CNOT6L: variants seen among roughly 807,000 people sequenced by gnomAD.
The protein encoded by CNOT6L is CCR4-NOT transcription complex subunit 6-like.
CNOT6L carries 7 observed loss-of-function variants against 64.0 expected under a neutral mutation model. The observed-to-expected ratio is 0.11, with a 90% confidence interval of 0.06 to 0.21. The LOEUF is 0.21. Among genes scored for constraint, CNOT6L ranks in the 10% least tolerant of loss-of-function variants. CNOT6L has a pLI of 1.00. For synonymous variants in CNOT6L, 193 were observed against 243.4 expected (o/e 0.79, Z 1.93); for missense variants, 245 against 669.0 (o/e 0.37, Z 6.99).
At chr4:77,763,067 G>C (rs1029170832) in intron 4 of CNOT6L, among the ~76,000 whole-genome samples, 1 of 152,034 alleles carries the variant, frequency 6.6e-6, no homozygotes, top group Non-Finnish European at 1.5e-5. Flanking sequence ...CGAAGAGAAA[G>C]TAAATAGAAT....
chr4:77,781,307 C>A (rs1383973001), intron 1 of CNOT6L, among the ~76,000 whole-genome samples: 1 of 152,038 alleles, frequency 6.6e-6, no homozygotes, highest in African/African-American at 2.4e-5. Context: ...TGTAACAAAC[C>A]TGCATGTTCT....
chr4:77,801,162 C>T (rs1045604136), intron 1 of CNOT6L, among the ~76,000 whole-genome samples: 1 of 152,052 alleles, frequency 6.6e-6, no homozygotes, highest in African/African-American at 2.4e-5. Flanking sequence ...ATACTCTGAC[C>T]CTACGTGAAA....
chr4:77,778,026 C>A (rs757705003), intron 1 of CNOT6L, among the ~76,000 whole-genome samples: 2 of 152,170 alleles, frequency 1.3e-5, no homozygotes, highest in Non-Finnish European at 2.9e-5. Context: ...CAACTCTAAT[C>A]TTACACAATT....
At chr4:77,817,958 T>C (rs1383405663) in intron 1 of CNOT6L, among the ~76,000 whole-genome samples, 1 of 152,254 alleles carries the variant, frequency 6.6e-6, no homozygotes, top group Non-Finnish European at 1.5e-5. Flanking sequence ...GCCATTTGTA[T>C]TTGGTTCTGA....
intron 1 of CNOT6L, among the ~76,000 whole-genome samples, chr4:77,795,802 A>G (rs956883404): frequency 4.6e-5 from 7 of 152,188 alleles, no homozygotes; most frequent in Non-Finnish European, 8.8e-5. Context: ...AGTACACTGG[A>G]AACTATAACA....
chr4:77,743,894 G>A (rs1723896337), intron 7 of CNOT6L, among the ~76,000 whole-genome samples: 1 of 151,966 alleles, frequency 6.6e-6, no homozygotes, highest in Non-Finnish European at 1.5e-5. Context: ...GAGCCACCAT[G>A]CCCGGCCTGT....
At chr4:77,790,163 T>C (rs1050197488) in intron 1 of CNOT6L, among the ~76,000 whole-genome samples, 1 of 152,118 alleles carries the variant, frequency 6.6e-6, no homozygotes, top group African/African-American at 2.4e-5. Context: ...ATACGGTGTG[T>C]AGTCTTTTCA....
At chr4:77,787,635 TTCC>T (rs1577985286) in intron 1 of CNOT6L, among the ~76,000 whole-genome samples, 1 of 152,184 alleles carries the variant, frequency 6.6e-6, no homozygotes, top group African/African-American at 2.4e-5. Context: ...ACTCAAACTC[TTCC>T]TTGAAACTCA....
chr4:77,783,332 A>C (rs1729103424), intron 1 of CNOT6L, among the ~76,000 whole-genome samples: 1 of 152,226 alleles, frequency 6.6e-6, no homozygotes, highest in Admixed American at 6.5e-5. Context: ...GGGTGCTTCA[A>C]TAGTGAACAA....
At chr4:77,727,562 C>CAAAAAAAAAA (rs55848621) in intron 10 of CNOT6L, among the ~76,000 whole-genome samples, 2 of 84,590 alleles carry the variant, frequency 2.4e-5, no homozygotes. Flanking sequence ...AACTCTGTCT[C>CAAAAAAAAAA]AAAAAAAAAA....
intron 1 of CNOT6L, among the ~76,000 whole-genome samples, chr4:77,788,458 T>C (rs1166747787): frequency 3.9e-5 from 6 of 152,246 alleles, no homozygotes; most frequent in Non-Finnish European, 8.8e-5. Context: ...CCAGGCACCA[T>C]GGCTCACGCC....
At chr4:77,794,788 G>A (rs1250430454) in intron 1 of CNOT6L, among the ~76,000 whole-genome samples, 1 of 152,082 alleles carries the variant, frequency 6.6e-6, no homozygotes, top group African/African-American at 2.4e-5. Context: ...AATCAAGCAA[G>A]AGAGAAGATA....
chr4:77,807,613 T>C (rs1234210033), intron 1 of CNOT6L, among the ~76,000 whole-genome samples: 3 of 152,302 alleles, frequency 2.0e-5, no homozygotes, highest in Non-Finnish European at 2.9e-5. Context: ...TGTAGGCATA[T>C]ATAAAGCACA....
At chr4:77,737,586 A>G (rs1723116650) in intron 8 of CNOT6L, among the ~76,000 whole-genome samples, 1 of 151,786 alleles carries the variant, frequency 6.6e-6, no homozygotes, top group South Asian at 2.1e-4. Flanking sequence ...AAGCCCAGCT[A>G]ATTTTTCTAT....
rs542348746 is a variant in CNOT6L at position 77,715,750 on chromosome 4, G to A, written c.*4681C>T. On this transcript the variant is annotated 3_prime_UTR_variant, in exon 12 of 12. Transcript: ENST00000504123. ...AAGACATCCTGTAGTTTAGATATAT[G>A]GGCTGCTTCTTTTTTACCCTCAAGC... is the stretch of plus-strand genomic sequence containing the variant. 1 of 152,392 alleles carries A rather than the reference G, an allele frequency of 6.6e-6. No individual in the cohort carries two copies. The highest frequency in any genetic ancestry group is 2.1e-4 in the South Asian group (1 of 4,820). The allele number at this position is 152,392 out of a possible 1,614,324, so 9.4% of individuals were successfully genotyped here. A position where few individuals can be genotyped will look rare whatever the true frequency, so the allele number is the denominator to read the frequency against.
intron 1 of CNOT6L, among the ~76,000 whole-genome samples, chr4:77,778,996 G>A (rs1728493659): frequency 7.1e-6 from 1 of 140,172 alleles, no homozygotes; most frequent in Admixed American, 7.6e-5. Context: ...GCAGTGGGCC[G>A]AGATCGCGCC....
At chr4:77,812,506 A>G (rs551642267) in intron 1 of CNOT6L, among the ~76,000 whole-genome samples, 1 of 151,740 alleles carries the variant, frequency 6.6e-6, no homozygotes, top group African/African-American at 2.4e-5. Context: ...CGAGATCAAC[A>G]AACATAAATC....
intron 8 of CNOT6L, among the ~76,000 whole-genome samples, chr4:77,737,969 G>C (rs1440673291): frequency 1.3e-5 from 2 of 152,080 alleles, no homozygotes; most frequent in Non-Finnish European, 2.9e-5. Context: ...TAATAACTGA[G>C]AGACCAGTGA....
chr4:77,720,791 G>C, intron 11 of CNOT6L, 148 bp from the exon 12 acceptor site: 1 of 697,660 alleles, frequency 1.4e-6, no homozygotes. Flanking sequence ...AATATTCAAT[G>C]GGTATTACAT....
Sources: allele counts gnomAD v4.1 joint callset (sites outside exome capture counted in the v4.1 genomes callset), GRCh38; gene constraint gnomAD v4.1.1; transcripts MANE v1.5; gene names NCBI Gene and HGNC (gene_info 2026-07-23, HGNC 2026-07-21).